The following GCA variants were observed in gnomAD, a reference collection of about 807,000 sequenced individuals.
GCA encodes grancalcin, also known as grancalcin, EF-hand calcium-binding protein.
A neutral mutation model predicts 32.6 loss-of-function variants in GCA; 30 were observed. The observed-to-expected ratio is 0.92, with a 90% CI of 0.69 to 1.25. The LOEUF (loss-of-function observed/expected upper bound fraction) is 1.25, where lower values mean the gene tolerates loss of function less well. Among genes scored for constraint, GCA ranks in the 50% most tolerant of loss-of-function variants. GCA has a pLI of 0.00. For missense variants in GCA, 291 were observed against 266.8 expected, an observed-to-expected ratio of 1.09 and a Z score of -0.63; for synonymous variants, 102 against 84.6, an observed-to-expected ratio of 1.21 and a Z score of -1.13.
intron 1 of GCA, among the ~76,000 whole-genome samples, chr2:162,344,847 T>C (rs1449937449): frequency 6.6e-6 from 1 of 152,118 alleles, no homozygotes; most frequent in Non-Finnish European, 1.5e-5. Context: ...AATCGTAGAG[T>C]CCTGGTGGCT....
downstream of GCA, chr2:162,372,100 T>C (rs780271971): frequency 6.2e-7 from 1 of 1,603,088 alleles, no homozygotes; most frequent in East Asian, 2.2e-5. Flanking sequence ...AGGACACTGA[T>C]GGAAAAAGAA....
intron 1 of GCA, among the ~76,000 whole-genome samples, chr2:162,325,515 G>A (rs1683843100): frequency 1.3e-5 from 2 of 152,270 alleles, no homozygotes; most frequent in South Asian, 4.1e-4. Flanking sequence ...GCCTCTCCAG[G>A]AAGGCAGTGG....
At chr2:162,357,090 G>T in intron 5 of GCA, 185 bp downstream of exon 5, 2 of 451,832 alleles carry the variant, frequency 4.4e-6, no homozygotes, top group Non-Finnish European at 7.9e-6. Flanking sequence ...TTTTAATTAT[G>T]ATTTTTTTCA....
chr2:162,348,242 T>C (rs1476612811), intron 2 of GCA, among the ~76,000 whole-genome samples: 2 of 152,192 alleles, frequency 1.3e-5, no homozygotes, highest in Admixed American at 6.5e-5. Context: ...CAAAAATGAC[T>C]ATTGGAAATT....
intron 1 of GCA, among the ~76,000 whole-genome samples, chr2:162,323,972 G>A (rs1683780445): frequency 6.6e-6 from 1 of 152,018 alleles, no homozygotes; most frequent in African/African-American, 2.4e-5. Flanking sequence ...TGATGGGGAT[G>A]GCATTGAATC....
intron 1 of GCA, among the ~76,000 whole-genome samples, chr2:162,325,812 G>GA (rs1230518071): frequency 6.6e-6 from 1 of 152,126 alleles, no homozygotes; most frequent in African/African-American, 2.4e-5. Context: ...ATATTTAGGT[G>GA]AAATTCTGGA....
intron 4 of GCA, among the ~76,000 whole-genome samples, chr2:162,370,776 A>AT (rs1292184954): frequency 6.6e-6 from 1 of 151,926 alleles, no homozygotes; most frequent in East Asian, 1.9e-4. Flanking sequence ...TTTTTTATTT[A>AT]TTTTTTGAGA....
Position 162,361,091 on chromosome 2 carries a change from C to G in GCA, c.*848C>G. On this transcript the variant is annotated 3_prime_UTR_variant, in exon 8 of 8. Transcript: ENST00000437150. Reference sequence around the variant, plus strand: ...AAATGTAATGTCAACTCTTTATAAACTTAAAAATAAACAAGTAATTAACCA... The same window carrying G: ...AAATGTAATGTCAACTCTTTATAAAGTTAAAAATAAACAAGTAATTAACCA... The G allele has an allele frequency of 4.2e-6, 4 of 949,438 alleles. No homozygotes were observed. The highest frequency in any genetic ancestry group is 5.0e-6 in the Non-Finnish European group (4 of 792,822). The allele number at this position is 949,438 out of a possible 1,614,324, so 58.8% of individuals were successfully genotyped here.
At chr2:162,325,511 C>G (rs1420482442) in intron 1 of GCA, among the ~76,000 whole-genome samples, 1 of 152,236 alleles carries the variant, frequency 6.6e-6, no homozygotes, top group East Asian at 1.9e-4. Flanking sequence ...CAAGGCCTCT[C>G]CAGGAAGGCA....
chr2:162,347,612 A>C lies in GCA; in HGVS notation c.62A>C (p.Gln21Pro). 1 of 1,609,540 alleles carries C rather than the reference A, an allele frequency of 6.2e-7. No homozygotes were observed. Among genetic ancestry groups the C allele is most frequent in the Non-Finnish European group, 8.5e-7 (1 of 1,177,068 alleles). The change falls in exon 2 of 8, where the codon CAG becomes CCG. Residue 21 changes from glutamine to proline, a missense_variant. Transcript: ENST00000437150. ...TTTAGCATTCAGGTGCCAGGAATGC[A>C]GATGGGACAGCCAGTGCCAGAAACA... ...GNFSIQVPGM[Q>P]MGQPVPETGP...
At chr2:162,329,817 G>T (rs897997490) in intron 1 of GCA, among the ~76,000 whole-genome samples, 1 of 151,990 alleles carries the variant, frequency 6.6e-6, no homozygotes, top group Non-Finnish European at 1.5e-5. Context: ...TATTTTTCAT[G>T]ATCTTTTCCC....
intron 1 of GCA, among the ~76,000 whole-genome samples, chr2:162,328,701 C>A: frequency 6.6e-6 from 1 of 152,152 alleles, no homozygotes; most frequent in East Asian, 1.9e-4. Context: ...CTATAGATGG[C>A]TTGTGTTAAC....
chr2:162,352,043 A>T (rs2105328496), intron 2 of GCA, among the ~76,000 whole-genome samples: 1 of 152,294 alleles, frequency 6.6e-6, no homozygotes, highest in East Asian at 1.9e-4. Context: ...TAACTGTTTA[A>T]CTGTTTTTCT....
Position 162,361,641 on chromosome 2 carries a change from A to C in GCA, c.*1398A>C. 1.0e-6 allele frequency: 1 copy of C among 984,040 alleles called. No homozygotes were observed. The highest frequency in any genetic ancestry group is 4.7e-5 in the South Asian group (1 of 21,264). 61.0% of individuals were successfully genotyped at this position (984,040 alleles called of 1,614,324 possible). On this transcript the variant is annotated 3_prime_UTR_variant, in exon 8 of 8. Coordinates refer to ENST00000437150, the MANE Select transcript of GCA (RefSeq NM_012198.5). ...TAACGCATAGTCACTTGACACTGAT[A>C]ATTTTATATAATTTGCTGTCAAATT...
downstream of GCA, among the ~76,000 whole-genome samples, chr2:162,373,219 TA>T (rs199565037): frequency 5.9e-5 from 9 of 151,986 alleles, no homozygotes; most frequent in African/African-American, 1.7e-4. Flanking sequence ...GTTTTCCTTT[TA>T]AAAAAAATGC....
At chr2:162,336,765 AT>A (rs1684284095) in intron 1 of GCA, among the ~76,000 whole-genome samples, 1 of 152,130 alleles carries the variant, frequency 6.6e-6, no homozygotes. Flanking sequence ...ATTTATCTGG[AT>A]TTTTGGTTTA....
intron 4 of GCA, 94 bp from the exon 5 acceptor site, chr2:162,356,663 GC>G: frequency 1.0e-6 from 1 of 974,960 alleles, no homozygotes; most frequent in Non-Finnish European, 1.6e-6. Flanking sequence ...AATGAGTTTG[GC>G]TAAGTCTACA....
chr2:162,350,306 C>T (rs981981061), intron 2 of GCA, among the ~76,000 whole-genome samples: 6 of 152,124 alleles, frequency 3.9e-5, no homozygotes, highest in African/African-American at 1.4e-4. Flanking sequence ...GACCCTGAGA[C>T]AACAGGCTTG....
At chr2:162,325,419 C>T (rs185457660) in intron 1 of GCA, among the ~76,000 whole-genome samples, 6 of 152,288 alleles carry the variant, frequency 3.9e-5, no homozygotes, top group Admixed American at 3.9e-4. Flanking sequence ...CTCCTGATAT[C>T]AGGAGCTGAC....
Sources: allele counts gnomAD v4.1 joint callset (sites outside exome capture counted in the v4.1 genomes callset), GRCh38; gene constraint gnomAD v4.1.1; transcripts MANE v1.5; gene names NCBI Gene and HGNC (gene_info 2026-07-23, HGNC 2026-07-21).